Variants in USP40 observed in about 807,000 individuals in gnomAD.
USP40 encodes ubiquitin carboxyl-terminal hydrolase 40.
A neutral mutation model predicts 166.2 loss-of-function variants in USP40; 143 were observed. The ratio of observed to expected loss-of-function variants is 0.86; its 90% CI spans 0.75 to 0.99. The LOEUF is 0.99. Ranked by LOEUF, USP40 falls within the 50% of genes least tolerant of loss-of-function variation. The pLI is 0.00. For synonymous variants in USP40, 498 were observed against 524.0 expected (o/e 0.95, Z 0.68); for missense variants, 1,444 against 1,479.7 (o/e 0.98, Z 0.40).
chr2:233,486,779 G>C lies in USP40; in HGVS notation c.3198-802C>G, dbSNP rs533464443. 3.0e-4 allele frequency among the ~76,000 whole-genome samples: 45 copies of C among 152,222 alleles called. No individual in the cohort carries two copies. Among genetic ancestry groups the C allele is most frequent in the Non-Finnish European group, 4.1e-4 (28 of 68,044 alleles). On this transcript the variant is annotated intron_variant, in intron 28 of 31. Coordinates refer to ENST00000678225, the MANE Select transcript of USP40 (RefSeq NM_001365479.2). This position sits in a 1 kb window ranked among gnomAD's most constrained non-coding sequence, Gnocchi z 4.0. ...GCCCATGGAATCAGGGGAGTGCAGA[G>C]TGCAAGAGCAGAGGCTGCACAGCCC...
intron 28 of USP40, 119 bp downstream of exon 28, chr2:233,488,120 T>C: frequency 2.4e-6 from 2 of 826,146 alleles, no homozygotes; most frequent in Admixed American, 4.0e-5. Context: ...TGTTTCAAGT[T>C]GCTAGGCTAC....
At chr2:233,519,788 T>C (rs1185434411) in intron 17 of USP40, 117 bp from the exon 18 acceptor site, 1 of 579,776 alleles carries the variant, frequency 1.7e-6, no homozygotes, top group African/African-American at 2.0e-5. Flanking sequence ...TGACATTTAG[T>C]AGTTTTTGCC....
intron 17 of USP40, among the ~76,000 whole-genome samples, chr2:233,520,028 A>G (rs1269300827): frequency 6.6e-6 from 1 of 152,186 alleles, no homozygotes; most frequent in Non-Finnish European, 1.5e-5. Flanking sequence ...ACTGCAGGCA[A>G]TCACATTTCT....
At chr2:233,549,260 T>C (rs1311376160) in intron 7 of USP40, 31 bp from the exon 8 acceptor site, 3 of 1,210,148 alleles carry the variant, frequency 2.5e-6, no homozygotes, top group East Asian at 2.6e-5. Flanking sequence ...AATATTGATA[T>C]AGTTTTCATA....
intron 13 of USP40, 125 bp from the exon 14 acceptor site, chr2:233,525,687 C>T (rs546522700): frequency 1.9e-5 from 12 of 615,418 alleles, no homozygotes; most frequent in African/African-American, 1.8e-4. Flanking sequence ...ATACTCTCAC[C>T]CCCACCCAAC....
intron 26 of USP40, chr2:233,489,822 C>A (rs1470283933): frequency 1.5e-5 from 3 of 205,822 alleles, no homozygotes; most frequent in Non-Finnish European, 2.9e-5. Flanking sequence ...AGGGCAGAGC[C>A]CGCTCTAACA....
intron 18 of USP40, among the ~76,000 whole-genome samples, chr2:233,517,959 T>C (rs1174523445): frequency 6.6e-6 from 1 of 150,770 alleles, no homozygotes; most frequent in African/African-American, 2.4e-5. Flanking sequence ...TTCTCACTGA[T>C]ACGTGGGAGC....
intron 22 of USP40, among the ~76,000 whole-genome samples, chr2:233,499,159 A>AC (rs1229295228): frequency 1.3e-4 from 6 of 46,946 alleles, no homozygotes; most frequent in South Asian, 9.5e-4. Flanking sequence ...CCCCACTCCC[A>AC]CCCCCCCATA....
chr2:233,502,950 TAAG>T (rs548923249), intron 21 of USP40, among the ~76,000 whole-genome samples: 3 of 152,022 alleles, frequency 2.0e-5, no homozygotes, highest in African/African-American at 7.2e-5. Flanking sequence ...GATATCAACA[TAAG>T]AAGACAAGAA....
rs546399145 is a variant in USP40 at position 233,486,958 on chromosome 2, A to G, written c.3198-981T>C. 1.3e-5 allele frequency among the ~76,000 whole-genome samples: 2 copies of G among 152,320 alleles called. No individual in the cohort carries two copies. Among genetic ancestry groups the G allele is most frequent in the East Asian group, 3.9e-4 (2 of 5,166 alleles). On this transcript the variant is annotated intron_variant, in intron 28 of 31. Transcript: ENST00000678225. The surrounding 1 kb of genome is among the most constrained non-coding windows in gnomAD (Gnocchi z 4.0). Reference sequence around the variant, plus strand: ...CTGCTGGAGAGAAACAGGAGGGACTAGAGGCCTCCTTGAGAGCAGGAGTGC... The same window carrying G: ...CTGCTGGAGAGAAACAGGAGGGACTGGAGGCCTCCTTGAGAGCAGGAGTGC...
intron 11 of USP40, among the ~76,000 whole-genome samples, chr2:233,532,082 G>A (rs1328243589): frequency 1.2e-4 from 18 of 152,186 alleles, no homozygotes; most frequent in Admixed American, 1.2e-3. Flanking sequence ...CAGACAGTGG[G>A]TGGAGTCTTC....
In USP40 at chr2:233,556,904, A is replaced by G. The variant is rs201073202; in HGVS notation, c.497T>C (p.Ile166Thr). ...DLIYRLYHGTIVNQIVCKECK... is the reference protein window; with the variant it reads ...DLIYRLYHGTTVNQIVCKECK... ...TTCTTTACAAACAATCTGGTTAACAATGGTTCCATGGTACAGACGATAGAT... is the reference window on the plus strand; with the variant it reads ...TTCTTTACAAACAATCTGGTTAACAGTGGTTCCATGGTACAGACGATAGAT... The change falls in exon 5 of 32, where the codon ATT becomes ACT. Residue 166 changes from isoleucine (I) to threonine (T), a missense_variant. Physicochemically the swap from Ile to Thr is moderately conservative, Grantham distance 89. Coordinates refer to ENST00000678225, the MANE Select transcript of USP40 (RefSeq NM_001365479.2). 1.2e-6 allele frequency: 2 copies of G among 1,613,806 alleles called. No individual in the cohort carries two copies. The highest frequency in any genetic ancestry group is 1.7e-6 in the Non-Finnish European group (2 of 1,179,852).
intron 2 of USP40, 45 bp from the exon 3 acceptor site, chr2:233,562,848 T>C: frequency 6.9e-7 from 1 of 1,444,404 alleles, no homozygotes; most frequent in Non-Finnish European, 9.2e-7. Flanking sequence ...CATCATTTCA[T>C]TTTAAAAAAT....
chr2:233,517,513 T>C (rs899788167), intron 18 of USP40, among the ~76,000 whole-genome samples: 7 of 151,852 alleles, frequency 4.6e-5, no homozygotes, highest in Non-Finnish European at 1.0e-4. Flanking sequence ...GCCTCCCCAG[T>C]AGCTGGAACT....
intron 23 of USP40, among the ~76,000 whole-genome samples, chr2:233,497,542 A>G (rs148845945): frequency 1.1e-4 from 16 of 152,302 alleles, no homozygotes; most frequent in African/African-American, 3.8e-4. Flanking sequence ...ATGAAAGATA[A>G]GGAGGATATT....
At position 233,516,750 on chromosome 2, in the gene USP40, G is replaced by A. The variant is rs7585381; in HGVS notation, c.2383+2864C>T. Among the ~76,000 whole-genome samples, 959 of 151,266 alleles carry A rather than the reference G, an allele frequency of 6.3e-3. 22 individuals are homozygous for A. The East Asian group carries it at 0.084, about 13-fold the overall frequency. ...GCAGGTGCCTGTAACCCAGATATTC[G>A]GGAGGCTGAGGCAAGAGAATCGCTT... On this transcript the variant is annotated intron_variant, in intron 18 of 31. Coordinates refer to ENST00000678225, the MANE Select transcript of USP40 (RefSeq NM_001365479.2).
chr2:233,486,082 T>C lies in USP40; in HGVS notation c.3198-105A>G. Reference sequence around the variant, plus strand: ...CTTCTCCTCCAGCTTTTCTGGTTTTTATAAGGAGAGATTTTTCCCTAAATG... The same window carrying C: ...CTTCTCCTCCAGCTTTTCTGGTTTTCATAAGGAGAGATTTTTCCCTAAATG... On this transcript the variant is annotated intron_variant, in intron 28 of 31. Transcript: ENST00000678225. The surrounding 1 kb of genome is among the most constrained non-coding windows in gnomAD (Gnocchi z 4.0). 1 of 1,276,382 alleles carries C rather than the reference T, an allele frequency of 7.8e-7. No individual in the cohort carries two copies. The highest frequency in any genetic ancestry group is 1.1e-6 in the Non-Finnish European group (1 of 939,900). 79.1% of individuals were successfully genotyped at this position (1,276,382 alleles called of 1,614,324 possible).
At chr2:233,503,825 A>G (rs2066237360) in intron 21 of USP40, among the ~76,000 whole-genome samples, 1 of 152,196 alleles carries the variant, frequency 6.6e-6, no homozygotes, top group Non-Finnish European at 1.5e-5. Context: ...AAAACACATG[A>G]AAGTATAAAA....
chr2:233,489,472 CA>C lies in USP40; in HGVS notation c.3023del (p.Leu1008CysfsTer41). The C allele has an allele frequency of 6.2e-7, 1 of 1,603,860 alleles. No individual in the cohort carries two copies. Among genetic ancestry groups the C allele is most frequent in the Non-Finnish European group, 8.5e-7 (1 of 1,175,168 alleles). On this transcript the variant is annotated frameshift_variant, in exon 27 of 32. Transcript: ENST00000678225. LOFTEE classifies it high-confidence loss of function. ...LAELKSQAMT[L>X]PPFLEFGVPS... ...GGACACCGAACTCCAGGAAAGGAGG[CA>C]AGGTCATGGCCTAGAAAAAGAAACA...
Sources: gnomAD v4.1 joint callset for allele counts (sites outside exome capture counted in the v4.1 genomes callset) on GRCh38, gnomAD v4.1.1 for gene constraint, Gnocchi (gnomAD v3.1) non-coding constraint, MANE v1.5 for transcripts, NCBI Gene and HGNC (gene_info 2026-07-23, HGNC 2026-07-21) for gene names.